EVI5: variants seen among roughly 807,000 people sequenced by gnomAD.
EVI5 encodes the protein ecotropic viral integration site 5 protein homolog.
EVI5 carries 73 observed loss-of-function variants against 112.0 expected under a neutral mutation model. The observed-to-expected ratio is 0.65, with a 90% CI of 0.54 to 0.79. EVI5 has a LOEUF of 0.79. Ranked by LOEUF, EVI5 falls within the 30% of genes least tolerant of loss-of-function variation. The pLI, the probability that EVI5 is intolerant of heterozygous loss-of-function variation, is 0.00. For synonymous variants in EVI5, 305 were observed against 319.9 expected (o/e 0.95, Z 0.50); for missense variants, 900 against 968.8 (o/e 0.93, Z 0.94).
At chr1:92,546,620 C>T (rs906068739) in intron 19 of EVI5, among the ~76,000 whole-genome samples, 6 of 151,908 alleles carry the variant, frequency 3.9e-5, no homozygotes, top group South Asian at 2.1e-4. Flanking sequence ...TGCTTGAATC[C>T]GGGAGGCGGA....
At chr1:92,776,626 C>A (rs902441002) in intron 1 of EVI5, among the ~76,000 whole-genome samples, 1 of 151,312 alleles carries the variant, frequency 6.6e-6, no homozygotes, top group Non-Finnish European at 1.5e-5. Context: ...AATGATAACA[C>A]CATCATGACT....
At chr1:92,521,744 CAA>C (rs1660971909) in intron 19 of EVI5, among the ~76,000 whole-genome samples, 1 of 151,518 alleles carries the variant, frequency 6.6e-6, no homozygotes, top group African/African-American at 2.4e-5. Flanking sequence ...CAAATAATGT[CAA>C]AAAATTATCA....
intron 19 of EVI5, among the ~76,000 whole-genome samples, chr1:92,532,351 C>T (rs1302208608): frequency 6.6e-6 from 1 of 152,074 alleles, no homozygotes; most frequent in Admixed American, 6.5e-5. Flanking sequence ...ATTTAACACC[C>T]CACTGTCAAT....
intron 9 of EVI5, among the ~76,000 whole-genome samples, chr1:92,678,685 T>A (rs982746744): frequency 5.9e-5 from 9 of 152,028 alleles, no homozygotes; most frequent in Non-Finnish European, 1.3e-4. Context: ...CACACAAAAA[T>A]TAGTACCACC....
Position 92,784,949 on chromosome 1 carries a change from C to G in EVI5, c.-195G>C, listed in dbSNP as rs1054468822. 4.2e-5 allele frequency: 41 copies of G among 985,814 alleles called. No homozygotes were observed. The African/African-American group carries it at 6.6e-4, about 16-fold the overall frequency. 61.1% of individuals were successfully genotyped at this position (985,814 alleles called of 1,614,324 possible). On this transcript the variant is annotated 5_prime_UTR_variant, in exon 1 of 20. Transcript: ENST00000684568. ...CTCCTGGCTCCACGGGTCGCCCGTC[C>G]CGAGTTCCCAAAAGCACCACGCTCA...
At chr1:92,770,631 A>G (rs1683259277) in intron 1 of EVI5, among the ~76,000 whole-genome samples, 1 of 151,876 alleles carries the variant, frequency 6.6e-6, no homozygotes, top group South Asian at 2.1e-4. Context: ...TCTACTAAAA[A>G]TACCAAAAAT....
intron 18 of EVI5, among the ~76,000 whole-genome samples, chr1:92,589,727 C>G (rs911044875): frequency 6.6e-6 from 1 of 152,204 alleles, no homozygotes; most frequent in East Asian, 1.9e-4. Context: ...GAAACCTCCG[C>G]AGACTTAAAT....
intron 18 of EVI5, among the ~76,000 whole-genome samples, chr1:92,601,203 C>T (rs1168428864): frequency 6.6e-6 from 1 of 152,132 alleles, no homozygotes; most frequent in Non-Finnish European, 1.5e-5. Context: ...ATTCTATCAC[C>T]TCACACCTGT....
chr1:92,516,258 A>C (rs1292465105), intron 19 of EVI5, among the ~76,000 whole-genome samples: 1 of 152,136 alleles, frequency 6.6e-6, no homozygotes, highest in East Asian at 1.9e-4. Context: ...ATAAAGGAGG[A>C]GTATGGCAGA....
intron 13 of EVI5, among the ~76,000 whole-genome samples, chr1:92,641,091 C>G (rs952670501): frequency 6.6e-6 from 1 of 151,810 alleles, no homozygotes; most frequent in Non-Finnish European, 1.5e-5. Context: ...GAAGAGGGAA[C>G]TTAGAGGATG....
chr1:92,784,574 C>T (rs867358885), intron 1 of EVI5: 1 of 361,114 alleles, frequency 2.8e-6, no homozygotes, highest in Non-Finnish European at 3.9e-6. Context: ...CGCCCTGGGA[C>T]GCCACAGTTA....
intron 1 of EVI5, among the ~76,000 whole-genome samples, chr1:92,748,452 C>T (rs1375240881): frequency 2.6e-5 from 4 of 152,230 alleles, no homozygotes; most frequent in Non-Finnish European, 5.9e-5. Context: ...AAGTCCTCTT[C>T]ATAATCCTCT....
upstream of EVI5, among the ~76,000 whole-genome samples, chr1:92,790,065 A>G (rs1685974944): frequency 6.6e-6 from 1 of 152,170 alleles, no homozygotes; most frequent in Non-Finnish European, 1.5e-5. Flanking sequence ...TAATCCCAGC[A>G]CTTTGGGAGG....
rs192709504 is a variant in EVI5 at position 92,615,052 on chromosome 1, A to C, written c.1828-7325T>G. ...TTGGCTGCTTAATACGGTAAGACCC[A>C]AAAATGCTAAGGACTCTACTTCTAA... On this transcript the variant is annotated intron_variant, in intron 16 of 19. Transcript: ENST00000684568. Among the ~76,000 whole-genome samples, 7 of 152,066 alleles carry C rather than the reference A, an allele frequency of 4.6e-5. No individual in the cohort carries two copies. The East Asian group carries it at 1.4e-3, about 29-fold the overall frequency.
chr1:92,562,993 A>G (rs1337887557), intron 19 of EVI5, among the ~76,000 whole-genome samples: 3 of 152,216 alleles, frequency 2.0e-5, no homozygotes, highest in Non-Finnish European at 4.4e-5. Context: ...ATTATCATTA[A>G]AACAGAAAAT....
rs934911530 is a variant in EVI5 at position 92,694,167 on chromosome 1, C to A, written c.999+132G>T. On this transcript the variant is annotated intron_variant, in intron 8 of 19. Coordinates refer to ENST00000684568, the MANE Select transcript of EVI5 (RefSeq NM_001350197.2). ...ATTCCAGCTACACAGAAGGCTGAAG[C>A]GGTAGGAGGATCACTTGAACCTGGG... 2.4e-5 allele frequency: 15 copies of A among 622,614 alleles called. No homozygotes were observed. The African/African-American group carries it at 2.6e-4, about 11-fold the overall frequency. The allele number at this position is 622,614 out of a possible 1,614,324, so 38.6% of individuals were successfully genotyped here.
At chr1:92,697,818 A>G in intron 6 of EVI5, 42 bp downstream of exon 6, 1 of 1,545,136 alleles carries the variant, frequency 6.5e-7, no homozygotes, top group African/African-American at 1.4e-5. Flanking sequence ...GATATAAAAA[A>G]TATAAAGGCA....
rs1203092011 is a variant in EVI5 at position 92,707,200 on chromosome 1, A to C, written c.150-2456T>G. On this transcript the variant is annotated intron_variant, in intron 2 of 19. Transcript: ENST00000684568. ...GTCTCAAAAAAAAAAAAAAAAAAAA[A>C]CACAAGAAAACCTCTTCACAGCCTT... is the stretch of plus-strand genomic sequence containing the variant. Among the ~76,000 whole-genome samples the C allele has an allele frequency of 1.1e-4, 12 of 109,488 alleles. No homozygotes were observed. The East Asian group carries it at 2.1e-3, about 20-fold the overall frequency. The allele number at this position is 109,488 out of a possible 152,430, so 71.8% of individuals were successfully genotyped here.
upstream of EVI5, among the ~76,000 whole-genome samples, chr1:92,787,732 C>T (rs1685741075): frequency 1.4e-5 from 2 of 147,514 alleles, no homozygotes; most frequent in Admixed American, 6.8e-5. Context: ...AGAGAAAGAT[C>T]TTGTCTCAAA....
Sources: gnomAD v4.1 joint callset for allele counts (sites outside exome capture counted in the v4.1 genomes callset) on GRCh38, gnomAD v4.1.1 for gene constraint, MANE v1.5 for transcripts, NCBI Gene and HGNC (gene_info 2026-07-23, HGNC 2026-07-21) for gene names.